Variants in ANKFY1 observed in about 807,000 individuals in gnomAD.
The protein encoded by ANKFY1 is ankyrin repeat and FYVE domain containing 1.
ANKFY1 carries 47 observed loss-of-function variants against 128.3 expected under a neutral mutation model. The observed-to-expected ratio is 0.37, with a 90% CI of 0.29 to 0.47. ANKFY1 has a LOEUF of 0.47. ANKFY1 is among the 20% of genes least tolerant of loss of function. ANKFY1 has a pLI of 1.00. For synonymous variants in ANKFY1, 553 were observed against 601.6 expected, an observed-to-expected ratio of 0.92 and a Z score of 1.18; for missense variants, 1,222 against 1,510.6, an observed-to-expected ratio of 0.81 and a Z score of 3.17.
chr17:4,240,115 C>T (rs377766044), intron 2 of ANKFY1, among the ~76,000 whole-genome samples: 34 of 148,440 alleles, frequency 2.3e-4, no homozygotes, highest in African/African-American at 7.5e-4. Flanking sequence ...CCCAGGCTGC[C>T]GTGCAGTGGC....
At chr17:4,235,495 A>T (rs577381813) in intron 3 of ANKFY1, among the ~76,000 whole-genome samples, 1 of 152,250 alleles carries the variant, frequency 6.6e-6, no homozygotes, top group South Asian at 2.1e-4. Flanking sequence ...GAGTGTACGG[A>T]AAAACACTTA....
chr17:4,242,198 CT>C, intron 2 of ANKFY1, 57 bp downstream of exon 2: 1 of 1,410,674 alleles, frequency 7.1e-7, no homozygotes, highest in Non-Finnish European at 9.4e-7. Context: ...ATGAGAAAAG[CT>C]GTAGTGTGGC....
At chr17:4,195,548 TC>T in intron 8 of ANKFY1, 77 bp from the exon 9 acceptor site, 2 of 1,140,826 alleles carry the variant, frequency 1.8e-6, no homozygotes, top group Non-Finnish European at 2.6e-6. Context: ...GCAACCAGAA[TC>T]CCAGGCAGAA....
In ANKFY1 at chr17:4,183,477, G is replaced by C; in HGVS notation, c.1873C>G (p.Leu625Val). The C allele has an allele frequency of 6.2e-7, 1 of 1,613,632 alleles. No homozygotes were observed. Among genetic ancestry groups the C allele is most frequent in the Non-Finnish European group, 8.5e-7 (1 of 1,180,034 alleles). ...INDTMSDGQT[L>V]LHMAIQRQDS... ...TGCCGCTGTATGGCCATGTGCAGTA[G>C]CGTCTGCCCATCCGACATGGTGTCA... Residue 625 changes from leucine to valine, a missense_variant, in exon 14 of 25, where the codon CTA (leucine) becomes GTA (valine). By Grantham distance (32) the Leu-to-Val change is conservative (BLOSUM62 1). Transcript: ENST00000341657.
At chr17:4,168,699 A>T (rs527987242) in intron 24 of ANKFY1, 1 of 152,532 alleles carries the variant, frequency 6.6e-6, no homozygotes, top group Non-Finnish European at 1.5e-5. Context: ...TTTTTAGTAG[A>T]GACGGGGTTT....
intron 11 of ANKFY1, among the ~76,000 whole-genome samples, chr17:4,185,912 C>T (rs989801394): frequency 1.3e-5 from 2 of 152,192 alleles, no homozygotes; most frequent in Non-Finnish European, 2.9e-5. Flanking sequence ...TCTTCTTTAG[C>T]TCCGTCTCTG....
In ANKFY1 at chr17:4,167,226, G is replaced by T. The variant is rs1344420844; in HGVS notation, c.*553C>A. The T allele has an allele frequency of 6.6e-6, 1 of 152,650 alleles. No homozygotes were observed. The highest frequency in any genetic ancestry group is 1.5e-5 in the Non-Finnish European group (1 of 68,066). The allele number at this position is 152,650 out of a possible 1,614,324, so 9.5% of individuals were successfully genotyped here. A position where few individuals can be genotyped will look rare whatever the true frequency, so the allele number is the denominator to read the frequency against. On this transcript the variant is annotated 3_prime_UTR_variant, in exon 25 of 25. Coordinates refer to ENST00000341657, the MANE Select transcript of ANKFY1 (RefSeq NM_001330063.2). This position sits in a 1 kb window ranked among gnomAD's most constrained non-coding sequence, Gnocchi z 4.1. Reference sequence around the variant, plus strand: ...GAAAGATTTCACCTTTTTAAAAGGGGTAGCTCACTAAAAATACAGCTTAGC... The same window carrying T: ...GAAAGATTTCACCTTTTTAAAAGGGTTAGCTCACTAAAAATACAGCTTAGC...
At chr17:4,251,822 G>C (rs1967848055) in intron 1 of ANKFY1, among the ~76,000 whole-genome samples, 1 of 152,052 alleles carries the variant, frequency 6.6e-6, no homozygotes, top group African/African-American at 2.4e-5. Context: ...ATCACTTGAG[G>C]TCAGGAGTTT....
At chr17:4,223,225 G>A (rs1295664632) in intron 3 of ANKFY1, 2 of 787,504 alleles carry the variant, frequency 2.5e-6, no homozygotes, top group African/African-American at 3.4e-5. Flanking sequence ...TTACTCATGG[G>A]TGTATACGAG....
intron 2 of ANKFY1, among the ~76,000 whole-genome samples, chr17:4,238,623 G>A (rs148039308): frequency 7.9e-5 from 12 of 152,014 alleles, no homozygotes; most frequent in Admixed American, 5.2e-4. Flanking sequence ...ACAGGTGCGC[G>A]CCACCACGCT....
chr17:4,247,699 TACA>T (rs960809808), intron 1 of ANKFY1, among the ~76,000 whole-genome samples: 1 of 152,146 alleles, frequency 6.6e-6, no homozygotes, highest in Non-Finnish European at 1.5e-5. Context: ...CAAGAAAAAG[TACA>T]ACATTATTCT....
intron 4 of ANKFY1, among the ~76,000 whole-genome samples, chr17:4,213,018 G>A (rs1294021776): frequency 2.6e-5 from 4 of 151,528 alleles, no homozygotes; most frequent in Non-Finnish European, 4.4e-5. Context: ...CTCATGACCC[G>A]CCCGCCTCAG....
chr17:4,179,531 C>A, intron 17 of ANKFY1, 190 bp downstream of exon 17: 1 of 695,698 alleles, frequency 1.4e-6, no homozygotes, highest in East Asian at 2.6e-5. Flanking sequence ...AAATCTTCCT[C>A]CTGTTGTAGT....
At chr17:4,189,171 C>T (rs1483659465) in intron 11 of ANKFY1, among the ~76,000 whole-genome samples, 1 of 152,168 alleles carries the variant, frequency 6.6e-6, no homozygotes, top group Non-Finnish European at 1.5e-5. Context: ...CCTACACAAA[C>T]GCTTAGGAAA....
chr17:4,250,390 A>G (rs1334947514), intron 1 of ANKFY1, among the ~76,000 whole-genome samples: 1 of 152,218 alleles, frequency 6.6e-6, no homozygotes, highest in East Asian at 1.9e-4. Context: ...TGTACGGGCT[A>G]TGATAATGCA....
chr17:4,211,795 G>A (rs550444706), intron 4 of ANKFY1, among the ~76,000 whole-genome samples: 2 of 151,918 alleles, frequency 1.3e-5, no homozygotes, highest in Admixed American at 6.6e-5. Flanking sequence ...GGAGTTCAAG[G>A]CTGCGGTAAG....
intron 7 of ANKFY1, among the ~76,000 whole-genome samples, chr17:4,205,507 C>T (rs937080647): frequency 5.9e-5 from 9 of 152,220 alleles, no homozygotes; most frequent in Admixed American, 4.6e-4. Flanking sequence ...CTTTGGGAGG[C>T]CAAGGTGGGT....
intron 3 of ANKFY1, among the ~76,000 whole-genome samples, chr17:4,225,294 T>C (rs1293708746): frequency 1.3e-5 from 2 of 151,982 alleles, no homozygotes; most frequent in Non-Finnish European, 2.9e-5. Flanking sequence ...GAGGCAGAGG[T>C]TGCAGTGACC....
chr17:4,248,326 C>G (rs947163137), intron 1 of ANKFY1, among the ~76,000 whole-genome samples: 1 of 152,184 alleles, frequency 6.6e-6, no homozygotes, highest in South Asian at 2.1e-4. Flanking sequence ...TCCTGTGAAC[C>G]GCGCATGCGA....
Sources: allele counts gnomAD v4.1 joint callset (sites outside exome capture counted in the v4.1 genomes callset), GRCh38; gene constraint gnomAD v4.1.1; non-coding constraint Gnocchi (gnomAD v3.1); transcripts MANE v1.5; gene names NCBI Gene and HGNC (gene_info 2026-07-23, HGNC 2026-07-21).